PPP2R1A: variants seen among roughly 807,000 people sequenced by gnomAD.
The protein encoded by PPP2R1A is serine/threonine-protein phosphatase 2A 65 kDa regulatory subunit A alpha isoform.
Under a neutral mutation model 67.1 loss-of-function variants are expected in PPP2R1A, and 15 were observed. The ratio of observed to expected loss-of-function variants is 0.22; its 90% confidence interval spans 0.15 to 0.34. The LOEUF is 0.34. PPP2R1A is among the 10% of genes least tolerant of loss of function. PPP2R1A has a pLI of 1.00. For missense variants in PPP2R1A, 369 were observed against 775.0 expected, an observed-to-expected ratio of 0.48 and a Z score of 6.22; for synonymous variants, 337 against 325.0, an observed-to-expected ratio of 1.04 and a Z score of -0.40.
At chr19:52,221,330 T>C (rs1459881479) in intron 12 of PPP2R1A, among the ~76,000 whole-genome samples, 197 bp downstream of exon 12, 2 of 152,132 alleles carry the variant, frequency 1.3e-5, no homozygotes, top group Admixed American at 1.3e-4. Context: ...ATAGGGCCTC[T>C]GGGACTGGGG....
intron 1 of PPP2R1A, among the ~76,000 whole-genome samples, chr19:52,200,113 C>G (rs1400875583): frequency 6.6e-6 from 1 of 152,220 alleles, no homozygotes; most frequent in Non-Finnish European, 1.5e-5. Context: ...CAGAACAGAA[C>G]AGGCTAAGGG....
At chr19:52,193,026 G>A (rs946665538) in intron 1 of PPP2R1A, among the ~76,000 whole-genome samples, 2 of 152,214 alleles carry the variant, frequency 1.3e-5, no homozygotes, top group African/African-American at 4.8e-5. Flanking sequence ...AACCATCTGC[G>A]TAACAAATTA....
At chr19:52,197,696 A>G (rs2089509053) in intron 1 of PPP2R1A, among the ~76,000 whole-genome samples, 1 of 152,200 alleles carries the variant, frequency 6.6e-6, no homozygotes, top group Non-Finnish European at 1.5e-5. Context: ...AAGCACAACA[A>G]AAAAGAAAAA....
rs138066943 is a variant in PPP2R1A at position 52,225,747 on chromosome 19, A to G, written c.1692A>G (p.Leu564=). ...STLQSEVKPI[L]EKLTQDQDVD... ...TGCAGAGTGAAGTCAAGCCCATCCT[A>G]GAGAAGCTGACCCAGGACCAGGATG... The change falls in exon 14 of 15, where the codon CTA becomes CTG. Residue 564 remains leucine, a synonymous_variant. Coordinates refer to ENST00000322088, the MANE Select transcript of PPP2R1A (RefSeq NM_014225.6). 171 of 1,614,098 alleles carry G rather than the reference A, an allele frequency of 1.1e-4. No homozygotes were observed. The highest frequency in any genetic ancestry group is 4.9e-4 in the Middle Eastern group (3 of 6,062).
intron 1 of PPP2R1A, among the ~76,000 whole-genome samples, chr19:52,193,548 C>T (rs763637658): frequency 3.3e-5 from 5 of 152,088 alleles, no homozygotes; most frequent in Admixed American, 1.3e-4. Context: ...AATTGCTGGA[C>T]GTGGTGGCTC....
intron 9 of PPP2R1A, among the ~76,000 whole-genome samples, chr19:52,218,674 C>G (rs1978731041): frequency 6.6e-6 from 1 of 152,040 alleles, no homozygotes; most frequent in Non-Finnish European, 1.5e-5. Flanking sequence ...GGTGAGAGCC[C>G]CTCAAGTTGT....
Position 52,211,723 on chromosome 19 carries a change from C to T in PPP2R1A, c.503+231C>T. 3.5e-6 allele frequency: 2 copies of T among 570,970 alleles called. No homozygotes were observed. The highest frequency in any genetic ancestry group is 6.2e-6 in the Non-Finnish European group (2 of 322,828). The allele number at this position is 570,970 out of a possible 1,614,324, so 35.4% of individuals were successfully genotyped here. On this transcript the variant is annotated intron_variant, in intron 4 of 14. Coordinates refer to ENST00000322088, the MANE Select transcript of PPP2R1A (RefSeq NM_014225.6). The surrounding 1 kb of genome is among the most constrained non-coding windows in gnomAD (Gnocchi z 5.3). The stretch of plus-strand genomic sequence containing the variant: ...GCTCACTTAGGAATTGAGATGATGA[C>T]AGGTCCTCCTTCCCACTGGTTAATG...
chr19:52,205,110 T>C (rs2089588932), intron 2 of PPP2R1A, among the ~76,000 whole-genome samples: 1 of 152,196 alleles, frequency 6.6e-6, no homozygotes, highest in African/African-American at 2.4e-5. Flanking sequence ...TGCAAGGGCG[T>C]CTGGGAAATG....
intron 1 of PPP2R1A, among the ~76,000 whole-genome samples, chr19:52,200,938 G>A (rs113444244): frequency 1.3e-5 from 2 of 151,442 alleles, no homozygotes; most frequent in Non-Finnish European, 2.9e-5. Flanking sequence ...TGACGTGCAC[G>A]TCACTGGATT....
At chr19:52,205,047 C>T (rs2089588361) in intron 2 of PPP2R1A, among the ~76,000 whole-genome samples, 1 of 152,206 alleles carries the variant, frequency 6.6e-6, no homozygotes. Context: ...GTTGAACCCA[C>T]CACTTACACT....
intron 9 of PPP2R1A, among the ~76,000 whole-genome samples, chr19:52,218,135 G>A (rs1978695800): frequency 6.6e-6 from 1 of 152,230 alleles, no homozygotes. Context: ...AAACTGGGCA[G>A]ATGGTGCAAT....
At chr19:52,194,070 A>G (rs2089477172) in intron 1 of PPP2R1A, among the ~76,000 whole-genome samples, 2 of 143,702 alleles carry the variant, frequency 1.4e-5, no homozygotes, top group African/African-American at 5.1e-5. Context: ...AGCCTGGGCG[A>G]CAGCAAGACC....
chr19:52,207,368 C>T lies in PPP2R1A; in HGVS notation c.270+1305C>T, dbSNP rs574339660. Among the ~76,000 whole-genome samples the T allele has an allele frequency of 8.5e-5, 13 of 152,216 alleles. No individual in the cohort carries two copies. In the South Asian group the frequency reaches 1.0e-3, roughly 12 times the overall value. ...GCAGAAGACATTATTTTTATGAAACCGCAAGGCTTCAACAAGGGCCCCCAG... is the reference window on the plus strand; with the variant it reads ...GCAGAAGACATTATTTTTATGAAACTGCAAGGCTTCAACAAGGGCCCCCAG... On this transcript the variant is annotated intron_variant, in intron 3 of 14. Transcript: ENST00000322088.
chr19:52,222,272 C>T (rs1297596788), intron 13 of PPP2R1A, 31 bp downstream of exon 13: 3 of 1,601,118 alleles, frequency 1.9e-6, no homozygotes, highest in East Asian at 4.5e-5. Flanking sequence ...CACACACTGG[C>T]AGGGGCTTCT....
intron 3 of PPP2R1A, among the ~76,000 whole-genome samples, chr19:52,210,662 T>C (rs1245481192): frequency 1.3e-5 from 2 of 151,976 alleles, no homozygotes; most frequent in Non-Finnish European, 2.9e-5. Flanking sequence ...CAGCTAATTT[T>C]TTTGTATTTT....
chr19:52,212,500 T>C lies in PPP2R1A; in HGVS notation c.504-186T>C, dbSNP rs1027765284. The C allele has an allele frequency of 3.0e-5, 19 of 634,246 alleles. No individual in the cohort carries two copies. Among genetic ancestry groups the C allele is most frequent in the South Asian group, 3.0e-4 (15 of 50,116 alleles). 39.3% of individuals were successfully genotyped at this position (634,246 alleles called of 1,614,324 possible). A position where few individuals can be genotyped will look rare whatever the true frequency, so the allele number is the denominator to read the frequency against. ...ACACACTATTTTCATTTAAACCTCATGCGGACCTGTGGGGTAGGTACTGTT... is the reference window on the plus strand; with the variant it reads ...ACACACTATTTTCATTTAAACCTCACGCGGACCTGTGGGGTAGGTACTGTT... On this transcript the variant is annotated intron_variant, in intron 4 of 14. Coordinates refer to ENST00000322088, the MANE Select transcript of PPP2R1A (RefSeq NM_014225.6). This position sits in a 1 kb window ranked among gnomAD's most constrained non-coding sequence, Gnocchi z 4.1.
rs2122388316 is a variant in PPP2R1A at position 52,227,539 on chromosome 19, G to T, written c.*1558G>T. 1 of 152,372 alleles carries T rather than the reference G, an allele frequency of 6.6e-6. No individual in the cohort carries two copies. The highest frequency in any genetic ancestry group is 2.1e-4 in the South Asian group (1 of 4,822). 9.4% of individuals were successfully genotyped at this position (152,372 alleles called of 1,614,324 possible). Reference sequence around the variant, plus strand: ...AGGAGCAAGGGACGTATGGCTGGTGGTGTCTGCATGGAAGGGTTTCACAGA... The same window carrying T: ...AGGAGCAAGGGACGTATGGCTGGTGTTGTCTGCATGGAAGGGTTTCACAGA... On this transcript the variant is annotated 3_prime_UTR_variant, in exon 15 of 15. Transcript: ENST00000322088.
Position 52,225,823 on chromosome 19 carries a change from G to A in PPP2R1A, c.1753+15G>A, listed in dbSNP as rs1264941770. 2 of 1,613,316 alleles carry A rather than the reference G, an allele frequency of 1.2e-6. No homozygotes were observed. Among genetic ancestry groups the A allele is most frequent in the East Asian group, 2.2e-5 (1 of 44,874 alleles). On this transcript the variant is annotated intron_variant, in intron 14 of 14. Coordinates refer to ENST00000322088, the MANE Select transcript of PPP2R1A (RefSeq NM_014225.6). ...GGCTCTGACTGGTAAGACCTAGAAA[G>A]CACGGAGCCCTAGCAGGAGGGTGGA...
chr19:52,190,572 G>T (rs1307538308), intron 1 of PPP2R1A, among the ~76,000 whole-genome samples: 1 of 152,242 alleles, frequency 6.6e-6, no homozygotes, highest in African/African-American at 2.4e-5. Flanking sequence ...GGGCCGCCGG[G>T]TGGGTCGGGA....
Sources: gnomAD v4.1 joint callset for allele counts (sites outside exome capture counted in the v4.1 genomes callset) on GRCh38, gnomAD v4.1.1 for gene constraint, Gnocchi (gnomAD v3.1) non-coding constraint, MANE v1.5 for transcripts, NCBI Gene and HGNC (gene_info 2026-07-23, HGNC 2026-07-21) for gene names.